RTKN2: variants seen among roughly 807,000 people sequenced by gnomAD.
RTKN2 encodes rhotekin-2.
A neutral mutation model predicts 71.5 loss-of-function variants in RTKN2; 69 were observed. The ratio of observed to expected loss-of-function variants is 0.96; its 90% CI spans 0.79 to 1.18. The LOEUF (loss-of-function observed/expected upper bound fraction) is 1.18, where lower values mean the gene tolerates loss of function less well. RTKN2 is among the 50% of genes most tolerant of loss of function. The pLI, the probability that RTKN2 is intolerant of heterozygous loss-of-function variation, is 0.00. For synonymous variants in RTKN2, 236 were observed against 236.5 expected (o/e 1.00, Z 0.02); for missense variants, 724 against 719.7 (o/e 1.01, Z -0.07).
Position 62,252,990 on chromosome 10 carries a change from A to G in RTKN2, c.258-6933T>C, listed in dbSNP as rs143398764. Among the ~76,000 whole-genome samples the G allele has an allele frequency of 3.4e-3, 520 of 152,252 alleles. 4 individuals are homozygous for G. The highest frequency in any genetic ancestry group is 0.011 in the African/African-American group (440 of 41,576). ...AGTTAACATAATATAAAAGAATATT[A>G]CAGTGGCTGAAACCAGATATATCAG... is the stretch of plus-strand genomic sequence containing the variant. On this transcript the variant is annotated intron_variant, in intron 2 of 11. Transcript: ENST00000373789.
intron 6 of RTKN2, among the ~76,000 whole-genome samples, chr10:62,235,363 G>A (rs964460216): frequency 9.2e-5 from 14 of 152,050 alleles, no homozygotes; most frequent in East Asian, 1.9e-4. Context: ...TAAGAATAAA[G>A]CATGACATAC....
At chr10:62,199,727 A>G in intron 11 of RTKN2, 27 bp downstream of exon 11, 1 of 1,351,748 alleles carries the variant, frequency 7.4e-7, no homozygotes. Flanking sequence ...GTTATCCTGC[A>G]GCTTAGAAAA....
intron 5 of RTKN2, chr10:62,238,080 A>T (rs1842293981): frequency 6.6e-6 from 1 of 151,902 alleles, no homozygotes. Flanking sequence ...TCAGAGATTT[A>T]AAAAATGGAG....
Position 62,217,210 on chromosome 10 carries a change from A to AATAC in RTKN2, c.924_927dup (p.Cys310ValfsTer8). On this transcript the variant is annotated frameshift_variant, in exon 9 of 12. Coordinates refer to ENST00000373789, the MANE Select transcript of RTKN2 (RefSeq NM_145307.4). LOFTEE classifies it high-confidence loss of function. ...TAGAGTTTACCTCCTCGCAAAACAC[A>AATAC]ATACAACCTTCTCCAACTAATCAGA... is the stretch of plus-strand genomic sequence containing the variant. The AATAC allele has an allele frequency of 6.3e-7, 1 of 1,599,544 alleles. No individual in the cohort carries two copies.
At chr10:62,231,014 T>C (rs1318654752) in intron 6 of RTKN2, among the ~76,000 whole-genome samples, 1 of 152,190 alleles carries the variant, frequency 6.6e-6, no homozygotes, top group African/African-American at 2.4e-5. Flanking sequence ...ACAAACTGTA[T>C]CATCTGTCAC....
chr10:62,228,996 C>G (rs1409502419), intron 6 of RTKN2, among the ~76,000 whole-genome samples: 1 of 152,140 alleles, frequency 6.6e-6, no homozygotes, highest in Non-Finnish European at 1.5e-5. Context: ...AGTAGAATTG[C>G]TCGGTCATAC....
chr10:62,234,873 A>G (rs1326052297), intron 6 of RTKN2, among the ~76,000 whole-genome samples: 1 of 152,206 alleles, frequency 6.6e-6, no homozygotes, highest in Non-Finnish European at 1.5e-5. Context: ...ACATTTTAAC[A>G]TCATCAATTT....
At chr10:62,233,278 T>C (rs1357064346) in intron 6 of RTKN2, among the ~76,000 whole-genome samples, 1 of 152,180 alleles carries the variant, frequency 6.6e-6, no homozygotes, top group Non-Finnish European at 1.5e-5. Flanking sequence ...TAAGATCTCT[T>C]TCTGCACTAA....
At chr10:62,221,493 A>T (rs555697482) in intron 7 of RTKN2, among the ~76,000 whole-genome samples, 16 of 152,280 alleles carry the variant, frequency 1.1e-4, no homozygotes, top group South Asian at 6.2e-4. Flanking sequence ...GTCAAATTAG[A>T]GAAAAATTAA....
intron 7 of RTKN2, among the ~76,000 whole-genome samples, chr10:62,222,647 C>A (rs2132917990): frequency 6.6e-6 from 1 of 152,256 alleles, no homozygotes; most frequent in South Asian, 2.1e-4. Context: ...AACTGCCTTA[C>A]CAGCACTGCT....
At chr10:62,244,371 T>C (rs543584760) in intron 3 of RTKN2, among the ~76,000 whole-genome samples, 1 of 152,192 alleles carries the variant, frequency 6.6e-6, no homozygotes, top group Non-Finnish European at 1.5e-5. Context: ...ATTTTTACAC[T>C]TGAGTAATTG....
chr10:62,254,864 G>A (rs1842645723), intron 2 of RTKN2, among the ~76,000 whole-genome samples: 1 of 152,260 alleles, frequency 6.6e-6, no homozygotes, highest in Admixed American at 6.5e-5. Flanking sequence ...AGGTACTTGG[G>A]AGGCTGAGGC....
intron 9 of RTKN2, among the ~76,000 whole-genome samples, chr10:62,206,955 C>T (rs1265670006): frequency 1.3e-5 from 2 of 151,884 alleles, no homozygotes; most frequent in East Asian, 3.9e-4. Context: ...CTTTGATATG[C>T]TACTCTTATC....
intron 5 of RTKN2, among the ~76,000 whole-genome samples, chr10:62,236,667 T>C (rs757521407): frequency 1.3e-5 from 2 of 151,994 alleles, no homozygotes; most frequent in African/African-American, 2.4e-5. Context: ...AGCCAAGATA[T>C]TGAAGAAACT....
rs770802975 is a variant in RTKN2 at position 62,199,740 on chromosome 10, C to T, written c.1294+14G>A. 2.6e-6 allele frequency: 4 copies of T among 1,519,918 alleles called. 1 individual carries two copies. In the South Asian group the frequency reaches 4.5e-5, roughly 17 times the overall value. 94.2% of individuals were successfully genotyped at this position (1,519,918 alleles called of 1,614,324 possible). Reference sequence around the variant, plus strand: ...TTGTTATCCTGCAGCTTAGAAAAGACAAACCCCACTTACTCATATCATGGT... The same window carrying T: ...TTGTTATCCTGCAGCTTAGAAAAGATAAACCCCACTTACTCATATCATGGT... On this transcript the variant is annotated intron_variant, in intron 11 of 11. Coordinates refer to ENST00000373789, the MANE Select transcript of RTKN2 (RefSeq NM_145307.4).
intron 2 of RTKN2, among the ~76,000 whole-genome samples, chr10:62,261,283 A>T (rs1842769268): frequency 6.6e-6 from 1 of 152,198 alleles, no homozygotes; most frequent in African/African-American, 2.4e-5. Context: ...ATAAAATCTC[A>T]ATTTTCAAAA....
Position 62,268,686 on chromosome 10 carries a change from G to A in RTKN2, c.-76C>T, listed in dbSNP as rs1842914107. 3 of 1,437,112 alleles carry A rather than the reference G, an allele frequency of 2.1e-6. No individual in the cohort carries two copies. Among genetic ancestry groups the A allele is most frequent in the Admixed American group, 2.1e-5 (1 of 48,132 alleles). The allele number at this position is 1,437,112 out of a possible 1,614,324, so 89.0% of individuals were successfully genotyped here. A position where few individuals can be genotyped will look rare whatever the true frequency, so the allele number is the denominator to read the frequency against. On this transcript the variant is annotated 5_prime_UTR_variant, in exon 1 of 12. Coordinates refer to ENST00000373789, the MANE Select transcript of RTKN2 (RefSeq NM_145307.4). ...GAAAAGCCCGCCCCTGGCAGGAGCCGCAGAGGACGCCAACCGCCCGGCCGT... is the reference window on the plus strand; with the variant it reads ...GAAAAGCCCGCCCCTGGCAGGAGCCACAGAGGACGCCAACCGCCCGGCCGT...
chr10:62,256,560 A>G (rs992356141), intron 2 of RTKN2, among the ~76,000 whole-genome samples: 6 of 152,168 alleles, frequency 3.9e-5, no homozygotes, highest in Admixed American at 2.0e-4. Context: ...GAAGAATGTT[A>G]TTTTTAAAAG....
chr10:62,211,656 G>A (rs1335016021), intron 9 of RTKN2, among the ~76,000 whole-genome samples: 8 of 152,146 alleles, frequency 5.3e-5, no homozygotes, highest in South Asian at 2.1e-4. Flanking sequence ...AAAACTAAAA[G>A]AGAAACACTA....
Sources: allele counts gnomAD v4.1 joint callset (sites outside exome capture counted in the v4.1 genomes callset), GRCh38; gene constraint gnomAD v4.1.1; transcripts MANE v1.5; gene names NCBI Gene and HGNC (gene_info 2026-07-23, HGNC 2026-07-21).